Variants in DCAF8L2 observed in about 807,000 individuals in gnomAD.
DCAF8L2 encodes DDB1- and CUL4-associated factor 8-like protein 2.
For missense variants in DCAF8L2, 430 were observed against 490.7 expected, an observed-to-expected ratio of 0.88 and a Z score of 1.17; for synonymous variants, 200 against 190.9, an observed-to-expected ratio of 1.05 and a Z score of -0.39.
chrX:27,737,523 C>T lies in DCAF8L2; in HGVS notation c.-58-9315C>T, dbSNP rs530311639. On this transcript the variant is annotated intron_variant, in intron 4 of 4. Coordinates refer to ENST00000451261, the MANE Select transcript of DCAF8L2 (RefSeq NM_001353450.2). ...ATTCACATTAGGTGGCTATGTGCTGCTCTGTTGTTCTTGCTTTCAGTGTTA... is the reference window on the plus strand; with the variant it reads ...ATTCACATTAGGTGGCTATGTGCTGTTCTGTTGTTCTTGCTTTCAGTGTTA... 1.1e-4 allele frequency among the ~76,000 whole-genome samples: 12 copies of T among 111,537 alleles called. No homozygotes were observed. In the South Asian group the frequency reaches 4.5e-3, roughly 42 times the overall value.
At chrX:27,585,005 T>C in the DCAF8L2 span, among the ~76,000 whole-genome samples, 1 of 111,319 alleles carries the variant, frequency 9.0e-6, no homozygotes, top group Non-Finnish European at 1.9e-5. Flanking sequence ...AAAACGGTGA[T>C]AGTATTGAGG....
the DCAF8L2 span, among the ~76,000 whole-genome samples, chrX:27,541,227 T>G: frequency 8.9e-6 from 1 of 112,188 alleles, no homozygotes; most frequent in Admixed American, 9.4e-5. Flanking sequence ...GACAGCCATG[T>G]AGAAATATGA....
chrX:27,541,343 T>TTTTATTTA, the DCAF8L2 span, among the ~76,000 whole-genome samples: 2,487 of 94,054 alleles, frequency 0.026, 53 homozygotes, highest in South Asian at 0.039. Context: ...TTATTTTTTA[T>TTTTATTTA]TTTATTTATT....
At chrX:27,551,052 A>G in the DCAF8L2 span, among the ~76,000 whole-genome samples, 10,380 of 109,714 alleles carry the variant, frequency 0.095, 397 homozygotes, top group Non-Finnish European at 0.12. Flanking sequence ...CATATAAGAC[A>G]ATGAACTTAA....
the DCAF8L2 span, among the ~76,000 whole-genome samples, chrX:27,489,771 G>A: frequency 6.2e-5 from 7 of 112,275 alleles, no homozygotes; most frequent in Non-Finnish European, 1.1e-4. Context: ...CACCAGTGTG[G>A]AAGGGCTACT....
At chrX:27,700,542 T>C (rs903226336) in intron 3 of DCAF8L2, among the ~76,000 whole-genome samples, 1 of 111,363 alleles carries the variant, frequency 9.0e-6, no homozygotes, top group South Asian at 3.8e-4. Context: ...TAGAATTGAT[T>C]GATTCTTTTG....
At position 27,749,515 on chromosome X, in the gene DCAF8L2, T is replaced by A. The variant is rs756287437; in HGVS notation, c.*724T>A. On this transcript the variant is annotated 3_prime_UTR_variant, in exon 5 of 5. Coordinates refer to ENST00000451261, the MANE Select transcript of DCAF8L2 (RefSeq NM_001353450.2). ...TTCTGAATCCATATATTAATAATTT[T>A]GAAAAATTTGAGTACACTGTAGCTG... Among the ~76,000 whole-genome samples, 1 of 112,146 alleles carries A rather than the reference T, an allele frequency of 8.9e-6. No homozygotes were observed. Among genetic ancestry groups the A allele is most frequent in the African/African-American group, 3.2e-5 (1 of 30,915 alleles).
At chrX:27,503,679 A>G in the DCAF8L2 span, among the ~76,000 whole-genome samples, 3 of 110,914 alleles carry the variant, frequency 2.7e-5, no homozygotes, top group Non-Finnish European at 5.7e-5. Context: ...ATCATACTAT[A>G]TTTATATAGC....
the DCAF8L2 span, among the ~76,000 whole-genome samples, chrX:27,549,885 C>T: frequency 1.8e-5 from 2 of 111,649 alleles, no homozygotes; most frequent in African/African-American, 6.5e-5. Flanking sequence ...CATGAGTCCT[C>T]CCATGGGGCA....
chrX:27,472,467 T>A, the DCAF8L2 span, among the ~76,000 whole-genome samples: 10 of 111,555 alleles, frequency 9.0e-5, no homozygotes, highest in Admixed American at 7.6e-4. Context: ...GCCATGGTGG[T>A]TTGCTGCACC....
the DCAF8L2 span, among the ~76,000 whole-genome samples, chrX:27,557,670 T>G: frequency 9.0e-6 from 1 of 110,818 alleles, no homozygotes; most frequent in African/African-American, 3.3e-5. Context: ...CATTCCCGCT[T>G]TGCTCAGTGA....
the DCAF8L2 span, among the ~76,000 whole-genome samples, chrX:27,469,549 A>G: frequency 9.0e-6 from 1 of 111,723 alleles, no homozygotes; most frequent in Non-Finnish European, 1.9e-5. Flanking sequence ...TTTTGCCTTA[A>G]TTCAATTAAC....
intron 2 of DCAF8L2, among the ~76,000 whole-genome samples, chrX:27,665,636 G>A (rs967195817): frequency 2.7e-5 from 3 of 111,167 alleles, no homozygotes; most frequent in African/African-American, 9.8e-5. Flanking sequence ...GTAAAATGAA[G>A]AGTCAATCAA....
intron 1 of DCAF8L2, among the ~76,000 whole-genome samples, chrX:27,617,413 A>G (rs1051662567): frequency 1.8e-5 from 2 of 110,418 alleles, no homozygotes; most frequent in Non-Finnish European, 3.8e-5. Context: ...TTTTAAATCT[A>G]TACCACTTGG....
At chrX:27,484,633 A>G in the DCAF8L2 span, among the ~76,000 whole-genome samples, 1 of 111,743 alleles carries the variant, frequency 8.9e-6, no homozygotes, top group Non-Finnish European at 1.9e-5. Context: ...TGCAAGTTAT[A>G]TTTTATTTTC....
the DCAF8L2 span, among the ~76,000 whole-genome samples, chrX:27,546,931 A>G: frequency 0.097 from 10,851 of 112,001 alleles, 407 homozygotes; most frequent in Non-Finnish European, 0.12. Flanking sequence ...AGTGATTAAC[A>G]TTTGGTTTAT....
the DCAF8L2 span, among the ~76,000 whole-genome samples, chrX:27,482,757 T>C: frequency 1.8e-5 from 2 of 108,520 alleles, no homozygotes; most frequent in African/African-American, 3.6e-5. Flanking sequence ...AGTTATTAGA[T>C]AAATTCACGT....
Position 27,746,879 on chromosome X carries a change from A to G in DCAF8L2, c.-17A>G, listed in dbSNP as rs764963155. ...GCCTTTGCAGTTCCAGATCTACTACAGCAAACATCGTTCAAGATGTCCCAC... is the reference window on the plus strand; with the variant it reads ...GCCTTTGCAGTTCCAGATCTACTACGGCAAACATCGTTCAAGATGTCCCAC... On this transcript the variant is annotated 5_prime_UTR_variant, in exon 5 of 5. Transcript: ENST00000451261. 39 of 1,179,060 alleles carry G rather than the reference A, an allele frequency of 3.3e-5. No homozygotes were observed. In the African/African-American group the frequency reaches 5.6e-4, roughly 17 times the overall value.
rs759808816 is a variant in DCAF8L2, at chrX:27,621,022, G to A, written c.-341-10857G>A. ...AAATTTTGTCGTATGCTACAACATGGATGAATCTTGAAGACATAATACTAA... is the reference window on the plus strand; with the variant it reads ...AAATTTTGTCGTATGCTACAACATGAATGAATCTTGAAGACATAATACTAA... On this transcript the variant is annotated intron_variant, in intron 1 of 4. Coordinates refer to ENST00000451261, the MANE Select transcript of DCAF8L2 (RefSeq NM_001353450.2). Among the ~76,000 whole-genome samples, 164 of 112,066 alleles carry A rather than the reference G, an allele frequency of 1.5e-3. 1 individual carries two copies. The highest frequency in any genetic ancestry group is 2.6e-3 in the Non-Finnish European group (137 of 53,176).
Sources: allele counts gnomAD v4.1 joint callset (sites outside exome capture counted in the v4.1 genomes callset), GRCh38; gene constraint gnomAD v4.1.1; transcripts MANE v1.5; gene names NCBI Gene and HGNC (gene_info 2026-07-23, HGNC 2026-07-21).